Variants in COL22A1 observed in about 807,000 individuals in gnomAD.
COL22A1 encodes collagen alpha-1(XXII) chain.
COL22A1 carries 221 observed loss-of-function variants against 248.9 expected under a neutral mutation model. The ratio of observed to expected loss-of-function variants is 0.89; its 90% CI spans 0.80 to 0.99. COL22A1 has a LOEUF of 0.99. Among genes scored for constraint, COL22A1 ranks in the 50% least tolerant of loss-of-function variants. The pLI, the probability that COL22A1 is intolerant of heterozygous loss-of-function variation, is 0.00. For synonymous variants in COL22A1, 891 were observed against 793.4 expected (o/e 1.12, Z -2.07); for missense variants, 2,240 against 2,179.0 (o/e 1.03, Z -0.56).
chr8:138,724,562 A>G, intron 25 of COL22A1, 53 bp downstream of exon 25: 4 of 1,549,844 alleles, frequency 2.6e-6, no homozygotes, highest in Admixed American at 3.4e-5. Context: ...TGCTCCCCCC[A>G]GAGCAATGGG....
At chr8:138,838,893 G>C (rs1820647809) in intron 4 of COL22A1, among the ~76,000 whole-genome samples, 1 of 152,172 alleles carries the variant, frequency 6.6e-6, no homozygotes, top group African/African-American at 2.4e-5. Flanking sequence ...GGCTGCACCT[G>C]CTGTGCCAGG....
intron 42 of COL22A1, among the ~76,000 whole-genome samples, chr8:138,663,069 T>C (rs1824126375): frequency 1.4e-5 from 2 of 140,482 alleles, no homozygotes; most frequent in South Asian, 4.5e-4. Context: ...AGAAATCATA[T>C]AAATAAAGGT....
intron 3 of COL22A1, among the ~76,000 whole-genome samples, chr8:138,872,557 A>T (rs1479825980): frequency 2.6e-5 from 4 of 152,212 alleles, no homozygotes; most frequent in Non-Finnish European, 1.5e-5. Context: ...AGCTATATAA[A>T]GCTCGTTTTG....
chr8:138,892,452 C>T (rs559965850), intron 1 of COL22A1, among the ~76,000 whole-genome samples: 16 of 152,202 alleles, frequency 1.1e-4, no homozygotes, highest in Admixed American at 2.6e-4. Context: ...GTTCACCAAA[C>T]GTGAGGTTTC....
In COL22A1 at chr8:138,762,721, C is replaced by T. The variant is rs543215961; in HGVS notation, c.1804-255G>A. Reference sequence around the variant, plus strand: ...TTTCAAATCTGTGGCCAAGAGATGGCCATGTGCCTTCTGTGAGCCACACAG... The same window carrying T: ...TTTCAAATCTGTGGCCAAGAGATGGTCATGTGCCTTCTGTGAGCCACACAG... On this transcript the variant is annotated intron_variant, in intron 16 of 64. Transcript: ENST00000303045. Among the ~76,000 whole-genome samples the T allele has an allele frequency of 2.0e-5, 3 of 151,852 alleles. No individual in the cohort carries two copies. The East Asian group carries it at 5.9e-4, about 30-fold the overall frequency.
At position 138,716,648 on chromosome 8, in the gene COL22A1, C is replaced by A. The variant is rs142485480; in HGVS notation, c.2400+177G>T. Among the ~76,000 whole-genome samples the A allele has an allele frequency of 2.1e-3, 316 of 152,264 alleles. 1 individual carries two copies. Among genetic ancestry groups the A allele is most frequent in the Non-Finnish European group, 3.7e-3 (251 of 68,002 alleles). ...CTCCTATGCCCCCAACACCTGCAGG[C>A]CACCACTCGTGACATCTGTTCAATT... On this transcript the variant is annotated intron_variant, in intron 28 of 64. Transcript: ENST00000303045.
At chr8:138,667,022 G>A (rs543445582) in intron 41 of COL22A1, among the ~76,000 whole-genome samples, 1 of 152,294 alleles carries the variant, frequency 6.6e-6, no homozygotes, top group African/African-American at 2.4e-5. Flanking sequence ...ACTATAAGTA[G>A]AGGAGCAGGC....
chr8:138,650,233 G>A (rs1340014703), intron 45 of COL22A1, among the ~76,000 whole-genome samples: 1 of 152,200 alleles, frequency 6.6e-6, no homozygotes, highest in Non-Finnish European at 1.5e-5. Flanking sequence ...CCCGTCAAGT[G>A]GTTTCTGAAC....
At chr8:138,607,601 G>A (rs1818521804) in intron 57 of COL22A1, among the ~76,000 whole-genome samples, 2 of 151,156 alleles carry the variant, frequency 1.3e-5, no homozygotes, top group South Asian at 4.2e-4. Context: ...GGGTTGCTCA[G>A]TCTGACCTCA....
At chr8:138,816,019 G>A (rs2131723873) in intron 7 of COL22A1, among the ~76,000 whole-genome samples, 1 of 152,298 alleles carries the variant, frequency 6.6e-6, no homozygotes, top group East Asian at 1.9e-4. Context: ...ATTTCCTGTA[G>A]AGAACCAGCC....
chr8:138,723,722 C>T (rs1406774657), intron 25 of COL22A1, among the ~76,000 whole-genome samples: 1 of 152,216 alleles, frequency 6.6e-6, no homozygotes, highest in Non-Finnish European at 1.5e-5. Flanking sequence ...AATCAGATCA[C>T]CTGAGTGCCC....
chr8:138,649,600 C>G, intron 46 of COL22A1, 65 bp downstream of exon 46: 1 of 1,559,162 alleles, frequency 6.4e-7, no homozygotes, highest in East Asian at 2.3e-5. Context: ...TGGGGCAATA[C>G]TGAGATCTCC....
intron 38 of COL22A1, 114 bp downstream of exon 38, chr8:138,685,094 T>G: frequency 1.3e-6 from 1 of 772,492 alleles, no homozygotes; most frequent in Non-Finnish European, 2.2e-6. Context: ...CCAGGCCCAT[T>G]TCATTGGCCA....
chr8:138,753,571 C>T (rs540240121), intron 21 of COL22A1, among the ~76,000 whole-genome samples: 28 of 152,326 alleles, frequency 1.8e-4, no homozygotes, highest in African/African-American at 3.4e-4. Flanking sequence ...AGAAATGGTA[C>T]GTGCAGGGGA....
At chr8:138,622,238 G>A (rs1280281375) in intron 52 of COL22A1, among the ~76,000 whole-genome samples, 1 of 152,178 alleles carries the variant, frequency 6.6e-6, no homozygotes, top group South Asian at 2.1e-4. Context: ...AGATAAGCCT[G>A]ATGCATCTGA....
intron 30 of COL22A1, among the ~76,000 whole-genome samples, chr8:138,710,426 TAG>T (rs1243318554): frequency 6.6e-6 from 1 of 152,194 alleles, no homozygotes; most frequent in Non-Finnish European, 1.5e-5. Context: ...ATAGTTGGCT[TAG>T]AGAGAGACAA....
intron 10 of COL22A1, among the ~76,000 whole-genome samples, chr8:138,806,957 C>T (rs527585694): frequency 3.9e-5 from 6 of 152,282 alleles, no homozygotes; most frequent in African/African-American, 1.4e-4. Context: ...ATCCTCTAAC[C>T]CCAGCATTGA....
intron 30 of COL22A1, among the ~76,000 whole-genome samples, chr8:138,709,603 C>G (rs1456377293): frequency 3.1e-5 from 4 of 130,020 alleles, no homozygotes; most frequent in Non-Finnish European, 6.1e-5. Flanking sequence ...CACTTGGACA[C>G]AGAGTGGGGA....
At chr8:138,750,714 G>A (rs571669653) in intron 22 of COL22A1, among the ~76,000 whole-genome samples, 1 of 152,176 alleles carries the variant, frequency 6.6e-6, no homozygotes, top group Non-Finnish European at 1.5e-5. Flanking sequence ...GTGGCCCTCA[G>A]ATTGTTAACC....
Sources: allele counts gnomAD v4.1 joint callset (sites outside exome capture counted in the v4.1 genomes callset), GRCh38; gene constraint gnomAD v4.1.1; transcripts MANE v1.5; gene names NCBI Gene and HGNC (gene_info 2026-07-23, HGNC 2026-07-21).